Variants in ERG observed in about 807,000 individuals in gnomAD.
ERG encodes transcriptional regulator ERG.
Under a neutral mutation model 55.3 loss-of-function variants are expected in ERG, and 9 were observed. The observed-to-expected ratio is 0.16, with a 90% confidence interval of 0.10 to 0.28. The LOEUF (loss-of-function observed/expected upper bound fraction) is 0.28, where lower values mean the gene tolerates loss of function less well. Ranked by LOEUF, ERG falls within the 10% of genes least tolerant of loss-of-function variation. The pLI, the probability that ERG is intolerant of heterozygous loss-of-function variation, is 1.00. For missense variants in ERG, 434 were observed against 631.6 expected (o/e 0.69, Z 3.35); for synonymous variants, 223 against 237.3 (o/e 0.94, Z 0.55).
At chr21:38,579,890 G>A (rs1343974760) in intron 1 of ERG, among the ~76,000 whole-genome samples, 2 of 150,704 alleles carry the variant, frequency 1.3e-5, no homozygotes, top group Non-Finnish European at 3.0e-5. Context: ...GTACGATCTC[G>A]GCTCACTGCA....
intron 2 of ERG, among the ~76,000 whole-genome samples, chr21:38,437,012 T>G (rs2058797367): frequency 1.3e-5 from 2 of 151,790 alleles, no homozygotes; most frequent in African/African-American, 4.8e-5. Flanking sequence ...CTCAGCCTCC[T>G]GAGTAGCTGG....
chr21:38,464,849 A>G (rs2059074548), intron 1 of ERG, among the ~76,000 whole-genome samples: 1 of 152,122 alleles, frequency 6.6e-6, no homozygotes, highest in Non-Finnish European at 1.5e-5. Flanking sequence ...TTTGCTGAGA[A>G]TGATGGTTTC....
At chr21:38,451,664 T>G (rs1470983114) in intron 1 of ERG, among the ~76,000 whole-genome samples, 1 of 152,226 alleles carries the variant, frequency 6.6e-6, no homozygotes, top group Non-Finnish European at 1.5e-5. Flanking sequence ...AGTATCTAAT[T>G]GTATTTGGAG....
chr21:38,581,682 C>T lies in ERG; in HGVS notation c.-127+3162G>A, dbSNP rs538969208. Among the ~76,000 whole-genome samples, 8 of 152,224 alleles carry T rather than the reference C, an allele frequency of 5.3e-5. No individual in the cohort carries two copies. In the East Asian group the frequency reaches 7.7e-4, roughly 15 times the overall value. ...ACAAAATCTCCATAAAATACCCTGA[C>T]GGGGTTAGGACAGCTTCTGGGCTGG... On this transcript the variant is annotated intron_variant, in intron 1 of 8. Transcript: ENST00000398897.
intron 6 of ERG, among the ~76,000 whole-genome samples, chr21:38,396,125 G>A (rs563015689): frequency 2.0e-5 from 3 of 152,278 alleles, no homozygotes; most frequent in Admixed American, 1.3e-4. Flanking sequence ...AAATTAGGAA[G>A]AGCAAGAGCT....
intron 1 of ERG, among the ~76,000 whole-genome samples, chr21:38,654,818 A>T (rs1481793308): frequency 6.6e-6 from 1 of 152,206 alleles, no homozygotes; most frequent in Non-Finnish European, 1.5e-5. Context: ...CAAGCCTTGC[A>T]CAAGGCAAGT....
At chr21:38,612,694 C>A (rs150636881) in intron 1 of ERG, among the ~76,000 whole-genome samples, 1,583 of 145,752 alleles carry the variant, frequency 0.011, 24 homozygotes, top group Middle Eastern at 0.036. Flanking sequence ...GACAGAGTCT[C>A]GCTCTGTCAC....
chr21:38,586,458 T>C (rs1248452401), upstream of ERG, among the ~76,000 whole-genome samples: 1 of 152,026 alleles, frequency 6.6e-6, no homozygotes, highest in Non-Finnish European at 1.5e-5. Context: ...TTGACCAACA[T>C]CTCCCCAGTT....
At chr21:38,628,492 G>C (rs996391978) in intron 1 of ERG, among the ~76,000 whole-genome samples, 6 of 152,164 alleles carry the variant, frequency 3.9e-5, no homozygotes, top group African/African-American at 1.4e-4. Context: ...TAAGGACCGA[G>C]GGAGGGGTCG....
chr21:38,485,086 G>A (rs569392216), intron 1 of ERG, among the ~76,000 whole-genome samples: 1 of 152,030 alleles, frequency 6.6e-6, no homozygotes, highest in East Asian at 1.9e-4. Context: ...CACTGTTATC[G>A]TAGGAGATGA....
intron 6 of ERG, chr21:38,395,226 C>T (rs942840119): frequency 1.8e-5 from 4 of 228,128 alleles, no homozygotes; most frequent in Non-Finnish European, 3.5e-5. Context: ...CACTAAGTAT[C>T]CCCCTGTGGG....
intron 6 of ERG, among the ~76,000 whole-genome samples, chr21:38,392,727 A>G (rs990790394): frequency 5.9e-5 from 9 of 152,208 alleles, no homozygotes; most frequent in East Asian, 1.9e-4. Context: ...CAAGACCCCA[A>G]TAAAAGTTTC....
At chr21:38,473,293 G>A (rs1461890281) in intron 1 of ERG, among the ~76,000 whole-genome samples, 1 of 152,094 alleles carries the variant, frequency 6.6e-6, no homozygotes, top group Non-Finnish European at 1.5e-5. Context: ...TGCCTAGGCA[G>A]GCGAAGCTTC....
intron 3 of ERG, among the ~76,000 whole-genome samples, chr21:38,417,237 C>T (rs8127101): frequency 0.012 from 1,840 of 152,264 alleles, 21 homozygotes; most frequent in Non-Finnish European, 0.021. Context: ...TTCAGCCACA[C>T]ATGTTTGGTG....
At chr21:38,507,629 G>A (rs1158819470) in intron 2 of ERG, among the ~76,000 whole-genome samples, 2 of 152,158 alleles carry the variant, frequency 1.3e-5, no homozygotes, top group Non-Finnish European at 2.9e-5. Flanking sequence ...TAGTCCAGGA[G>A]AGCCCTTCAA....
At chr21:38,529,984 A>T (rs1300345262) in intron 2 of ERG, among the ~76,000 whole-genome samples, 1 of 152,132 alleles carries the variant, frequency 6.6e-6, no homozygotes, top group African/African-American at 2.4e-5. Flanking sequence ...AAAATAAACA[A>T]AAACCATGGG....
rs1388537024 is a variant in ERG at position 38,460,095 on chromosome 21, C to T, written c.19-14474G>A. ...CGCGAAGGAGGGGAGGGTGTGAGCC[C>T]CCATGCATTCATGAAGAATAGGCCT... On this transcript the variant is annotated intron_variant, in intron 1 of 9. Transcript: ENST00000288319. This position sits in a 1 kb window ranked among gnomAD's most constrained non-coding sequence, Gnocchi z 5.0. Among the ~76,000 whole-genome samples the T allele has an allele frequency of 6.6e-6, 1 of 152,084 alleles. No individual in the cohort carries two copies. Among genetic ancestry groups the T allele is most frequent in the South Asian group, 2.1e-4 (1 of 4,818 alleles).
intron 9 of ERG, among the ~76,000 whole-genome samples, chr21:38,388,931 G>A (rs1195020503): frequency 6.6e-6 from 1 of 152,176 alleles, no homozygotes; most frequent in South Asian, 2.1e-4. Context: ...CTACAAACAA[G>A]CCAAGCAGTA....
chr21:38,599,488 C>T (rs977156041), intron 1 of ERG, among the ~76,000 whole-genome samples: 2 of 152,168 alleles, frequency 1.3e-5, no homozygotes, highest in Non-Finnish European at 2.9e-5. Context: ...TGATGCATGG[C>T]CAAGTAACCC....
Sources: allele counts gnomAD v4.1 joint callset (sites outside exome capture counted in the v4.1 genomes callset), GRCh38; gene constraint gnomAD v4.1.1; non-coding constraint Gnocchi (gnomAD v3.1); transcripts MANE v1.5; gene names NCBI Gene and HGNC (gene_info 2026-07-23, HGNC 2026-07-21).